The following SHISA6 variants were observed in gnomAD, a reference collection of about 807,000 sequenced individuals.
SHISA6 encodes protein shisa-6.
SHISA6 carries 22 observed loss-of-function variants against 47.9 expected under a neutral mutation model. The ratio of observed to expected loss-of-function variants is 0.46; its 90% confidence interval spans 0.33 to 0.66. The LOEUF (loss-of-function observed/expected upper bound fraction) is 0.66. Among genes scored for constraint, SHISA6 ranks in the 30% least tolerant of loss-of-function variants. The pLI is 0.02. For synonymous variants in SHISA6, 388 were observed against 337.8 expected (o/e 1.15, Z -1.63); for missense variants, 680 against 764.6 (o/e 0.89, Z 1.30).
chr17:11,288,169 C>G (rs1227338381), intron 2 of SHISA6: 1 of 152,248 alleles, frequency 6.6e-6, no homozygotes, highest in Non-Finnish European at 1.5e-5. Context: ...CATTGTCTCA[C>G]TTAAATAAAT....
intron 2 of SHISA6, among the ~76,000 whole-genome samples, chr17:11,303,066 G>A (rs999960471): frequency 7.2e-5 from 11 of 152,168 alleles, no homozygotes; most frequent in African/African-American, 2.4e-4. Context: ...GCAGTGCAGT[G>A]CAGTGAGCAG....
At chr17:11,453,308 G>C (rs1436832202) in intron 3 of SHISA6, among the ~76,000 whole-genome samples, 3 of 152,156 alleles carry the variant, frequency 2.0e-5, no homozygotes, top group Non-Finnish European at 4.4e-5. Context: ...CTGAGGTCCA[G>C]GCAGCAGCAA....
intron 3 of SHISA6, among the ~76,000 whole-genome samples, chr17:11,465,157 C>T (rs1162995593): frequency 2.6e-5 from 4 of 152,182 alleles, no homozygotes; most frequent in Non-Finnish European, 4.4e-5. Context: ...AACCCACTTG[C>T]TGCATTCTCA....
chr17:11,409,572 C>T (rs1270484381), intron 3 of SHISA6, among the ~76,000 whole-genome samples: 1 of 151,948 alleles, frequency 6.6e-6, no homozygotes, highest in Non-Finnish European at 1.5e-5. Context: ...GGAGTGGTGG[C>T]GCTTGCCTGT....
chr17:11,269,471 G>C lies in SHISA6; in HGVS notation c.799+5945G>C, dbSNP rs567013723. ...CTGGGCTCAGAGGGACTGTTACCCAGGGTGCCCTTCCAGTTCTTTCCACCC... is the reference window on the plus strand; with the variant it reads ...CTGGGCTCAGAGGGACTGTTACCCACGGTGCCCTTCCAGTTCTTTCCACCC... On this transcript the variant is annotated intron_variant, in intron 2 of 5. Transcript: ENST00000441885. Among the ~76,000 whole-genome samples, 6 of 152,272 alleles carry C rather than the reference G, an allele frequency of 3.9e-5. No homozygotes were observed. The East Asian group carries it at 1.2e-3, about 29-fold the overall frequency.
chr17:11,536,880 G>A (rs2071792631), intron 3 of SHISA6, among the ~76,000 whole-genome samples: 1 of 152,136 alleles, frequency 6.6e-6, no homozygotes, highest in South Asian at 2.1e-4. Flanking sequence ...GCAGGGTATG[G>A]TAAATGTGTC....
At chr17:11,413,259 G>A (rs1461476495) in intron 3 of SHISA6, among the ~76,000 whole-genome samples, 3 of 152,182 alleles carry the variant, frequency 2.0e-5, no homozygotes, top group African/African-American at 7.2e-5. Flanking sequence ...GTCATTTCGT[G>A]TCAGGGTAGT....
At chr17:11,455,195 A>T (rs1915504954) in intron 3 of SHISA6, among the ~76,000 whole-genome samples, 1 of 151,866 alleles carries the variant, frequency 6.6e-6, no homozygotes, top group Admixed American at 6.6e-5. Context: ...CAAACAAACA[A>T]AAAAAACAGT....
chr17:11,501,901 G>C (rs1040211218), intron 3 of SHISA6, among the ~76,000 whole-genome samples: 1 of 152,198 alleles, frequency 6.6e-6, no homozygotes, highest in African/African-American at 2.4e-5. Context: ...GACAGAGATG[G>C]TGGAGGTATT....
chr17:11,536,509 G>C (rs1489077665), intron 3 of SHISA6, among the ~76,000 whole-genome samples: 1 of 152,176 alleles, frequency 6.6e-6, no homozygotes, highest in Non-Finnish European at 1.5e-5. Flanking sequence ...GCTATGTCAG[G>C]TGCCTAGATT....
At chr17:11,550,206 C>T (rs972805369) in intron 3 of SHISA6, among the ~76,000 whole-genome samples, 3 of 152,122 alleles carry the variant, frequency 2.0e-5, no homozygotes, top group African/African-American at 7.2e-5. Context: ...AGGCACATGC[C>T]ACCCCATGTC....
intron 2 of SHISA6, among the ~76,000 whole-genome samples, chr17:11,377,712 C>G (rs906437908): frequency 3.9e-5 from 6 of 152,140 alleles, no homozygotes; most frequent in Non-Finnish European, 8.8e-5. Context: ...AAGAGGTTTT[C>G]ATTGAAGTCA....
At chr17:11,299,988 A>G (rs1185379092) in intron 2 of SHISA6, among the ~76,000 whole-genome samples, 1 of 152,056 alleles carries the variant, frequency 6.6e-6, no homozygotes. Context: ...TACTAAAAAT[A>G]CAAAATATTA....
chr17:11,475,127 T>G (rs1916022748), intron 3 of SHISA6, among the ~76,000 whole-genome samples: 1 of 152,170 alleles, frequency 6.6e-6, no homozygotes. Flanking sequence ...CATTTGTATA[T>G]TAACCTCATA....
At chr17:11,336,776 C>T (rs559585721) in intron 2 of SHISA6, among the ~76,000 whole-genome samples, 4 of 152,254 alleles carry the variant, frequency 2.6e-5, no homozygotes, top group East Asian at 3.9e-4. Flanking sequence ...TCGCCCAGGG[C>T]GCAGGGATTT....
intron 1 of SHISA6, among the ~76,000 whole-genome samples, chr17:11,248,881 T>A (rs1385946465): frequency 6.6e-6 from 1 of 152,156 alleles, no homozygotes; most frequent in Non-Finnish European, 1.5e-5. Context: ...GGCTCACGCC[T>A]GTAATCCCAG....
chr17:11,534,847 G>A (rs34970754), intron 3 of SHISA6, among the ~76,000 whole-genome samples: 2,853 of 152,138 alleles, frequency 0.019, 48 homozygotes, highest in Admixed American at 0.04. Flanking sequence ...GGAAGGCTAC[G>A]GGCCAGGAGC....
chr17:11,456,099 TATGAG>T (rs533124371), intron 3 of SHISA6, among the ~76,000 whole-genome samples: 19 of 152,226 alleles, frequency 1.2e-4, no homozygotes, highest in Non-Finnish European at 2.6e-4. Flanking sequence ...GGGCATTCTT[TATGAG>T]ATGAGTCATG....
chr17:11,462,063 G>T (rs1311043417), intron 3 of SHISA6, among the ~76,000 whole-genome samples: 2 of 152,196 alleles, frequency 1.3e-5, no homozygotes, highest in African/African-American at 4.8e-5. Context: ...TTCAGGCAAA[G>T]CCATATAAGA....
Sources: gnomAD v4.1 joint callset for allele counts (sites outside exome capture counted in the v4.1 genomes callset) on GRCh38, gnomAD v4.1.1 for gene constraint, MANE v1.5 for transcripts, NCBI Gene and HGNC (gene_info 2026-07-23, HGNC 2026-07-21) for gene names.